Variants in ROR1 observed in about 807,000 individuals in gnomAD.
ROR1 encodes inactive tyrosine-protein kinase transmembrane receptor ROR1.
In ROR1, 19 loss-of-function variants were observed where a neutral mutation model predicts 78.8. The ratio of observed to expected loss-of-function variants is 0.24; its 90% confidence interval spans 0.17 to 0.35. The LOEUF is 0.35. Ranked by LOEUF, ROR1 falls within the 10% of genes least tolerant of loss-of-function variation. ROR1 has a pLI of 1.00. For synonymous variants in ROR1, 386 were observed against 433.6 expected, an observed-to-expected ratio of 0.89 and a Z score of 1.36; for missense variants, 917 against 1,177.8, an observed-to-expected ratio of 0.78 and a Z score of 3.24.
At chr1:64,171,058 T>C (rs1409660922) in intron 8 of ROR1, among the ~76,000 whole-genome samples, 1 of 152,230 alleles carries the variant, frequency 6.6e-6, no homozygotes, top group Admixed American at 6.5e-5. Flanking sequence ...CCTCTGCCTG[T>C]TACCCAGTTC....
chr1:64,050,493 A>C (rs1569630127), intron 3 of ROR1, among the ~76,000 whole-genome samples, 193 bp from the exon 4 acceptor site: 1 of 148,766 alleles, frequency 6.7e-6, no homozygotes, highest in African/African-American at 2.5e-5. Context: ...AGACATAGAC[A>C]CGTTCTCACT....
rs139571803 is a variant in ROR1, at chr1:63,864,137, G to A, written c.91+89629G>A. 3.8e-3 allele frequency among the ~76,000 whole-genome samples: 578 copies of A among 152,228 alleles called. 3 individuals are homozygous for A. The highest frequency in any genetic ancestry group is 0.013 in the African/African-American group (536 of 41,536). On this transcript the variant is annotated intron_variant, in intron 1 of 8. Coordinates refer to ENST00000371079, the MANE Select transcript of ROR1 (RefSeq NM_005012.4). ...GCATTATTATCATCCCTATTTTAGA[G>A]ATAAGACAACCGAGGTACAAGAAAT...
chr1:63,909,475 T>A (rs772154423), intron 1 of ROR1, among the ~76,000 whole-genome samples: 1 of 152,186 alleles, frequency 6.6e-6, no homozygotes, highest in Non-Finnish European at 1.5e-5. Flanking sequence ...TCTACCTGCA[T>A]GTCCTCAAGA....
intron 4 of ROR1, among the ~76,000 whole-genome samples, chr1:64,124,342 T>C (rs1648641793): frequency 6.6e-6 from 1 of 152,224 alleles, no homozygotes; most frequent in African/African-American, 2.4e-5. Context: ...TATTGTTAGA[T>C]ATTAGACTGA....
chr1:63,936,416 T>A (rs1050001483), intron 1 of ROR1, among the ~76,000 whole-genome samples: 5 of 152,048 alleles, frequency 3.3e-5, no homozygotes, highest in Non-Finnish European at 7.4e-5. Context: ...AATGCATGCT[T>A]TGGGGGGAAT....
At chr1:63,796,726 G>C (rs890698609) in intron 1 of ROR1, among the ~76,000 whole-genome samples, 1 of 152,130 alleles carries the variant, frequency 6.6e-6, no homozygotes, top group African/African-American at 2.4e-5. Context: ...TGCCTCCTTT[G>C]TGTTTTGGGC....
chr1:64,003,599 C>T (rs576447767), intron 1 of ROR1, among the ~76,000 whole-genome samples: 6 of 152,246 alleles, frequency 3.9e-5, no homozygotes, highest in South Asian at 2.1e-4. Flanking sequence ...GTAAGTCAGC[C>T]GAGTCCCTAG....
At position 64,102,749 on chromosome 1, in the gene ROR1, C is replaced by T. The variant is rs576389391; in HGVS notation, c.483-34620C>T. 5.9e-5 allele frequency among the ~76,000 whole-genome samples: 9 copies of T among 152,238 alleles called. No individual in the cohort carries two copies. The South Asian group carries it at 6.2e-4, about 11-fold the overall frequency. On this transcript the variant is annotated intron_variant, in intron 4 of 8. Coordinates refer to ENST00000371079, the MANE Select transcript of ROR1 (RefSeq NM_005012.4). ...ATTGTTAATCTGCTCAATTCATCTC[C>T]GAGCCATGGTCTAGGGCAGGATTTT...
In ROR1 at chr1:64,014,740, CTATATATATATATATA is replaced by C. The variant is rs1208813882; in HGVS notation, c.163+5383_163+5398del. 1.8e-3 allele frequency among the ~76,000 whole-genome samples: 52 copies of C among 29,058 alleles called. 9 individuals carry two copies. The highest frequency in any genetic ancestry group is 5.6e-3 in the African/African-American group (50 of 8,972). 19.1% of individuals were successfully genotyped at this position (29,058 alleles called of 152,430 possible). On this transcript the variant is annotated intron_variant, in intron 2 of 8. Coordinates refer to ENST00000371079, the MANE Select transcript of ROR1 (RefSeq NM_005012.4). ...ATATATATATATACACATACGCACA[CTATATATATATATATA>C]TATATATATATATATATACACATTT... is the stretch of plus-strand genomic sequence containing the variant.
intron 4 of ROR1, among the ~76,000 whole-genome samples, chr1:64,132,760 C>CAAAA (rs749607703): frequency 2.4e-4 from 17 of 70,400 alleles, no homozygotes; most frequent in East Asian, 1.0e-3. Flanking sequence ...GACTCCATCT[C>CAAAA]AAAAAAAAAA....
At chr1:63,861,780 G>A (rs1645183665) in intron 1 of ROR1, among the ~76,000 whole-genome samples, 1 of 152,092 alleles carries the variant, frequency 6.6e-6, no homozygotes, top group African/African-American at 2.4e-5. Flanking sequence ...TGTTAAGAAA[G>A]GGTTCAAAAG....
chr1:63,807,099 C>T (rs1644834647), intron 1 of ROR1, among the ~76,000 whole-genome samples: 1 of 152,118 alleles, frequency 6.6e-6, no homozygotes, highest in African/African-American at 2.4e-5. Flanking sequence ...GAGCATCTGA[C>T]CCTAAGAAAT....
intron 1 of ROR1, among the ~76,000 whole-genome samples, chr1:63,776,662 T>C (rs1644618303): frequency 6.6e-6 from 1 of 152,200 alleles, no homozygotes; most frequent in African/African-American, 2.4e-5. Context: ...TCTGGTTCCT[T>C]GGTTTCAGGT....
chr1:63,850,791 A>T (rs942475676), intron 1 of ROR1, among the ~76,000 whole-genome samples: 1 of 152,154 alleles, frequency 6.6e-6, no homozygotes, highest in Non-Finnish European at 1.5e-5. Flanking sequence ...CACATTATGT[A>T]CATTTCTAAG....
At chr1:64,082,438 G>A (rs1647111402) in intron 4 of ROR1, among the ~76,000 whole-genome samples, 2 of 152,202 alleles carry the variant, frequency 1.3e-5, no homozygotes, top group Admixed American at 1.3e-4. Flanking sequence ...GAAAGCAATG[G>A]GATAGTTGAA....
At chr1:63,931,948 T>C (rs1297699125) in intron 1 of ROR1, among the ~76,000 whole-genome samples, 2 of 152,214 alleles carry the variant, frequency 1.3e-5, no homozygotes, top group African/African-American at 4.8e-5. Context: ...GGTTCTGTAC[T>C]ATACATGATT....
chr1:64,140,091 A>G lies in ROR1; in HGVS notation c.611-18A>G. On this transcript the variant is annotated intron_variant, in intron 5 of 8. Transcript: ENST00000371079. ...AAACCCTGGCCTCTGGGAGTTAATA[A>G]TTGTGTTTGTTTTCCAGCTGCCTTC... 1 of 1,608,166 alleles carries G rather than the reference A, an allele frequency of 6.2e-7. No individual in the cohort carries two copies. Among genetic ancestry groups the G allele is most frequent in the Non-Finnish European group, 8.5e-7 (1 of 1,175,168 alleles).
intron 4 of ROR1, among the ~76,000 whole-genome samples, chr1:64,109,722 G>A (rs6663857): frequency 0.12 from 18,811 of 151,994 alleles, 1,308 homozygotes; most frequent in Middle Eastern, 0.15. Context: ...AGAGAACAGG[G>A]TCTCACTTTG....
Position 64,179,018 on chromosome 1 carries a change from CG to C in ROR1, c.*165del. 5.3e-6 allele frequency: 1 copy of C among 188,476 alleles called. No individual in the cohort carries two copies. The highest frequency in any genetic ancestry group is 9.2e-6 in the Non-Finnish European group (1 of 109,236). The allele number at this position is 188,476 out of a possible 1,614,324, so 11.7% of individuals were successfully genotyped here. ...TGTCTTACCAAGCAGGACAGACACT[CG>C]GCCAGAAAAAAAAAAAAAAAAAAAA... On this transcript the variant is annotated 3_prime_UTR_variant, in exon 9 of 9. Coordinates refer to ENST00000371079, the MANE Select transcript of ROR1 (RefSeq NM_005012.4).
Sources: gnomAD v4.1 joint callset for allele counts (sites outside exome capture counted in the v4.1 genomes callset) on GRCh38, gnomAD v4.1.1 for gene constraint, MANE v1.5 for transcripts, NCBI Gene and HGNC (gene_info 2026-07-23, HGNC 2026-07-21) for gene names.